The following NPAS3 variants were observed in gnomAD, a reference collection of about 807,000 sequenced individuals.
The protein encoded by NPAS3 is neuronal PAS domain protein 3, also known as neuronal PAS domain-containing protein 3.
In NPAS3, 14 loss-of-function variants were observed where a neutral mutation model predicts 73.1. The ratio of observed to expected loss-of-function variants is 0.19; its 90% confidence interval spans 0.13 to 0.30. The LOEUF is 0.30. Among genes scored for constraint, NPAS3 ranks in the 10% least tolerant of loss-of-function variants. The pLI is 1.00. For synonymous variants in NPAS3, 620 were observed against 541.5 expected (o/e 1.14, Z -2.01); for missense variants, 1,096 against 1,250.0 (o/e 0.88, Z 1.86).
intron 1 of NPAS3, among the ~76,000 whole-genome samples, chr14:32,939,924 G>A (rs966785539): frequency 6.6e-6 from 1 of 152,038 alleles, no homozygotes; most frequent in Non-Finnish European, 1.5e-5. Context: ...GTCTCCGCGC[G>A]AGCAGCTAGG....
At chr14:33,205,573 T>C (rs975953168) in intron 2 of NPAS3, among the ~76,000 whole-genome samples, 1 of 152,144 alleles carries the variant, frequency 6.6e-6, no homozygotes, top group East Asian at 1.9e-4. Flanking sequence ...AAAAAACAGA[T>C]AAGTGAGAGA....
intron 3 of NPAS3, among the ~76,000 whole-genome samples, chr14:33,275,087 C>G (rs1406415723): frequency 2.0e-5 from 3 of 151,914 alleles, no homozygotes; most frequent in African/African-American, 4.8e-5. Context: ...TTTAAAGATC[C>G]AAGGGTAAGA....
At chr14:33,341,318 T>C (rs921069312) in intron 3 of NPAS3, among the ~76,000 whole-genome samples, 1 of 152,254 alleles carries the variant, frequency 6.6e-6, no homozygotes, top group Non-Finnish European at 1.5e-5. Flanking sequence ...GCCTGAAATC[T>C]AAAGTCTCAA....
chr14:33,802,893 A>C (rs2063750051), downstream of NPAS3: 1 of 149,554 alleles, frequency 6.7e-6, no homozygotes, highest in African/African-American at 2.5e-5. Context: ...TCCCTTTCCC[A>C]TCTCCCCCTC....
intron 5 of NPAS3, among the ~76,000 whole-genome samples, chr14:33,620,639 AAATT>A (rs2058051666): frequency 1.3e-5 from 2 of 152,208 alleles, no homozygotes. Context: ...TTTTAATTTG[AAATT>A]AATTTCAAAA....
At chr14:33,705,918 A>G (rs1038663661) in intron 6 of NPAS3, among the ~76,000 whole-genome samples, 5 of 152,370 alleles carry the variant, frequency 3.3e-5, no homozygotes, top group African/African-American at 1.2e-4. Flanking sequence ...GTTTAATACC[A>G]TAATGAAAAA....
At chr14:33,676,262 G>T (rs764345479) in exon 6 of NPAS3, 1 of 1,613,914 alleles carries the variant, frequency 6.2e-7, no homozygotes, top group Admixed American at 1.7e-5. Context: ...CGGAGATCAC[G>T]TGGAGATGGC....
chr14:33,773,361 C>T (rs1167292053), intron 7 of NPAS3, among the ~76,000 whole-genome samples: 1 of 152,180 alleles, frequency 6.6e-6, no homozygotes, highest in African/African-American at 2.4e-5. Flanking sequence ...ATTCCCCACA[C>T]TATAGCAGAG....
intron 4 of NPAS3, among the ~76,000 whole-genome samples, chr14:33,495,682 G>A (rs2052145423): frequency 1.3e-5 from 2 of 152,016 alleles, no homozygotes; most frequent in Non-Finnish European, 2.9e-5. Flanking sequence ...ATATATTTAG[G>A]ATAGTTAGCT....
At chr14:33,032,029 C>T (rs1016313962) in intron 1 of NPAS3, among the ~76,000 whole-genome samples, 1 of 152,212 alleles carries the variant, frequency 6.6e-6, no homozygotes, top group African/African-American at 2.4e-5. Context: ...GAAGACTCAT[C>T]TTAGATGACT....
At chr14:33,776,314 C>T (rs997565283) in intron 8 of NPAS3, among the ~76,000 whole-genome samples, 1 of 151,848 alleles carries the variant, frequency 6.6e-6, no homozygotes, top group African/African-American at 2.4e-5. Flanking sequence ...ATTTAGCTAC[C>T]AGCCACCTCT....
chr14:33,031,742 T>A (rs1341864275), intron 1 of NPAS3, among the ~76,000 whole-genome samples: 1 of 152,232 alleles, frequency 6.6e-6, no homozygotes, highest in East Asian at 1.9e-4. Flanking sequence ...CCAAAGTTAA[T>A]CCCCCTGCCT....
intron 1 of NPAS3, among the ~76,000 whole-genome samples, chr14:32,994,715 T>C (rs1343822238): frequency 6.7e-6 from 1 of 148,280 alleles, no homozygotes; most frequent in Non-Finnish European, 1.5e-5. Context: ...CACTGTAACC[T>C]CCACCTCCCA....
intron 3 of NPAS3, among the ~76,000 whole-genome samples, chr14:33,344,611 T>C (rs2044641803): frequency 6.6e-6 from 1 of 152,240 alleles, no homozygotes; most frequent in South Asian, 2.1e-4. Context: ...TGACATTCTA[T>C]ACCTTCATTT....
intron 2 of NPAS3, among the ~76,000 whole-genome samples, chr14:33,058,501 A>G (rs1484963433): frequency 6.6e-6 from 1 of 152,224 alleles, no homozygotes; most frequent in Admixed American, 6.5e-5. Context: ...AGGAATAGAT[A>G]CAGACAAATG....
intron 6 of NPAS3, among the ~76,000 whole-genome samples, chr14:33,728,434 C>G (rs1212283626): frequency 6.6e-6 from 1 of 152,172 alleles, no homozygotes; most frequent in Non-Finnish European, 1.5e-5. Flanking sequence ...TGAAGACTCA[C>G]AACTGGGTAG....
At chr14:33,515,596 G>A (rs1052145104) in intron 4 of NPAS3, among the ~76,000 whole-genome samples, 4 of 151,982 alleles carry the variant, frequency 2.6e-5, no homozygotes, top group South Asian at 2.1e-4. Flanking sequence ...AGAGCATATC[G>A]CCCACGAATC....
chr14:33,542,866 A>G (rs2054586120), intron 4 of NPAS3, among the ~76,000 whole-genome samples: 1 of 152,204 alleles, frequency 6.6e-6, no homozygotes, highest in African/African-American at 2.4e-5. Flanking sequence ...CTTGCCAAGC[A>G]TGAGGCAGCC....
In NPAS3 at chr14:33,675,333, C is replaced by T. The variant is rs572330996; in HGVS notation, c.559-878C>T. ...TACCAGCAACTTCTGCCCCTTCAGA[C>T]GGCGCACAACTCAGACGCAGGGGTC... On this transcript the variant is annotated intron_variant, in intron 5 of 11. Transcript: ENST00000356141. Among the ~76,000 whole-genome samples the T allele has an allele frequency of 3.9e-5, 6 of 152,246 alleles. No homozygotes were observed. The South Asian group carries it at 1.2e-3, about 32-fold the overall frequency.
Sources: gnomAD v4.1 joint callset for allele counts (sites outside exome capture counted in the v4.1 genomes callset) on GRCh38, gnomAD v4.1.1 for gene constraint, MANE v1.5 for transcripts, NCBI Gene and HGNC (gene_info 2026-07-23, HGNC 2026-07-21) for gene names.